Variants in SEC24B observed in about 807,000 individuals in gnomAD.
SEC24B encodes protein transport protein Sec24B.
A neutral mutation model predicts 142.8 loss-of-function variants in SEC24B; 45 were observed. The ratio of observed to expected loss-of-function variants is 0.32; its 90% CI spans 0.25 to 0.40. SEC24B has a LOEUF of 0.40. Ranked by LOEUF, SEC24B falls within the 10% of genes least tolerant of loss-of-function variation. SEC24B has a pLI of 1.00. For missense variants in SEC24B, 1,409 were observed against 1,526.8 expected (o/e 0.92, Z 1.29); for synonymous variants, 574 against 568.2 (o/e 1.01, Z -0.15).
chr4:109,504,814 T>G (rs554075663), intron 6 of SEC24B, among the ~76,000 whole-genome samples: 11 of 152,236 alleles, frequency 7.2e-5, no homozygotes, highest in Admixed American at 5.9e-4. Context: ...AATCATTTAT[T>G]TCAGTATGGA....
chr4:109,492,285 A>G (rs1407386996), intron 5 of SEC24B, among the ~76,000 whole-genome samples: 1 of 152,090 alleles, frequency 6.6e-6, no homozygotes, highest in African/African-American at 2.4e-5. Flanking sequence ...AGTTTTTTGT[A>G]GTTAAGGATT....
At chr4:109,482,189 A>T (rs1167431634) in intron 4 of SEC24B, among the ~76,000 whole-genome samples, 4 of 152,200 alleles carry the variant, frequency 2.6e-5, no homozygotes, top group Non-Finnish European at 4.4e-5. Context: ...TGTGGATTTT[A>T]TAATAGGGAT....
At chr4:109,504,319 A>G (rs958707045) in intron 6 of SEC24B, among the ~76,000 whole-genome samples, 1 of 152,188 alleles carries the variant, frequency 6.6e-6, no homozygotes, top group African/African-American at 2.4e-5. Context: ...GCCTTTGTAT[A>G]CTTTGTTCAC....
Position 109,526,415 on chromosome 4 carries a change from A to G in SEC24B, c.2965+16A>G, listed in dbSNP as rs1332750650. The G allele has an allele frequency of 6.3e-7, 1 of 1,585,894 alleles. No homozygotes were observed. The highest frequency in any genetic ancestry group is 1.3e-5 in the African/African-American group (1 of 74,202). On this transcript the variant is annotated intron_variant, in intron 17 of 23. Coordinates refer to ENST00000265175, the MANE Select transcript of SEC24B (RefSeq NM_006323.5). The stretch of plus-strand genomic sequence containing the variant: ...TCAAGCAAAGGTAATGTTAACAGAA[A>G]TGAAATATAGTCTGCAGCAGTAATT...
At chr4:109,466,043 G>T (rs1369941832) in intron 2 of SEC24B, among the ~76,000 whole-genome samples, 1 of 151,796 alleles carries the variant, frequency 6.6e-6, no homozygotes. Flanking sequence ...TGACAAACGT[G>T]CTTCATTTCA....
intron 23 of SEC24B, among the ~76,000 whole-genome samples, chr4:109,539,272 AT>A (rs368386488): frequency 0.019 from 2,757 of 143,156 alleles, 38 homozygotes; most frequent in African/African-American, 0.04. Flanking sequence ...AATTTTAAAA[AT>A]TTTTTTTTTT....
intron 7 of SEC24B, 64 bp downstream of exon 7, chr4:109,506,576 TA>T (rs1379373588): frequency 9.2e-7 from 1 of 1,086,842 alleles, no homozygotes; most frequent in Non-Finnish European, 1.3e-6. Context: ...CTTTCAAAAA[TA>T]GTAAAAGTAG....
intron 15 of SEC24B, 144 bp downstream of exon 15, chr4:109,525,085 A>G: frequency 1.3e-6 from 1 of 782,964 alleles, no homozygotes; most frequent in South Asian, 2.3e-5. Flanking sequence ...AACTACCAGT[A>G]AAGTTTAAAG....
intron 2 of SEC24B, among the ~76,000 whole-genome samples, chr4:109,470,124 A>T (rs1241353383): frequency 6.6e-6 from 1 of 152,236 alleles, no homozygotes; most frequent in African/African-American, 2.4e-5. Flanking sequence ...GATGTGGAGT[A>T]ACAGGAAACT....
intron 14 of SEC24B, 78 bp downstream of exon 14, chr4:109,521,704 C>G: frequency 9.1e-7 from 1 of 1,095,598 alleles, no homozygotes; most frequent in Non-Finnish European, 1.3e-6. Flanking sequence ...TAATAAAATA[C>G]TGGCAAGAGA....
intron 5 of SEC24B, among the ~76,000 whole-genome samples, chr4:109,494,025 A>G (rs1240527801): frequency 2.0e-5 from 3 of 152,244 alleles, no homozygotes; most frequent in African/African-American, 7.2e-5. Context: ...TAGATAAAGC[A>G]AATTAGAGAA....
chr4:109,452,363 T>TA (rs113718673), intron 1 of SEC24B, among the ~76,000 whole-genome samples: 77 of 152,310 alleles, frequency 5.1e-4, no homozygotes, highest in African/African-American at 1.7e-3. Context: ...TTGGTAGTTA[T>TA]AAAAAAAGCT....
chr4:109,445,388 C>T (rs1578758165), intron 1 of SEC24B, among the ~76,000 whole-genome samples: 2 of 146,216 alleles, frequency 1.4e-5, no homozygotes, highest in Non-Finnish European at 3.0e-5. Flanking sequence ...GGACAACAGG[C>T]GCCCGCCACC....
At chr4:109,439,752 T>C (rs1728763316) in intron 1 of SEC24B, among the ~76,000 whole-genome samples, 2 of 150,514 alleles carry the variant, frequency 1.3e-5, no homozygotes, top group South Asian at 2.1e-4. Context: ...CCACCCGCCT[T>C]AGCCTCCCAA....
At chr4:109,479,640 G>GGTCAAGA (rs1733530364) in intron 3 of SEC24B, among the ~76,000 whole-genome samples, 1 of 151,718 alleles carries the variant, frequency 6.6e-6, no homozygotes, top group Non-Finnish European at 1.5e-5. Context: ...TCACTATGTT[G>GGTCAAGA]CCCAGGCTGG....
At chr4:109,436,912 T>A (rs980284944) in intron 1 of SEC24B, among the ~76,000 whole-genome samples, 1 of 152,244 alleles carries the variant, frequency 6.6e-6, no homozygotes, top group African/African-American at 2.4e-5. Flanking sequence ...ATCTGTATCC[T>A]TTGTAATATC....
Position 109,474,397 on chromosome 4 carries a change from T to C in SEC24B, c.1060+1211T>C, listed in dbSNP as rs183995653. Among the ~76,000 whole-genome samples the C allele has an allele frequency of 8.0e-4, 122 of 152,002 alleles. 2 individuals are homozygous for C. In the East Asian group the frequency reaches 0.021, roughly 27 times the overall value. The stretch of plus-strand genomic sequence containing the variant: ...TTTCGCTTTTTTTGGCCTATTACAT[T>C]GCCCCTGCTGCTTATTTCTTCCTAT... On this transcript the variant is annotated intron_variant, in intron 3 of 23. Transcript: ENST00000265175.
At chr4:109,475,980 TTCTC>T (rs1318499409) in intron 3 of SEC24B, among the ~76,000 whole-genome samples, 10 of 147,180 alleles carry the variant, frequency 6.8e-5, no homozygotes, top group Admixed American at 4.6e-4. Flanking sequence ...TTACAACTTT[TTCTC>T]TCTCTCTTTT....
At chr4:109,489,051 G>T (rs548467576) in intron 4 of SEC24B, among the ~76,000 whole-genome samples, 4 of 152,142 alleles carry the variant, frequency 2.6e-5, no homozygotes, top group African/African-American at 7.2e-5. Context: ...CATTCTGTGG[G>T]TTGTCTTTTT....
Sources: gnomAD v4.1 joint callset for allele counts (sites outside exome capture counted in the v4.1 genomes callset) on GRCh38, gnomAD v4.1.1 for gene constraint, MANE v1.5 for transcripts, NCBI Gene and HGNC (gene_info 2026-07-23, HGNC 2026-07-21) for gene names.